SLC5A12: variants seen among roughly 807,000 people sequenced by gnomAD.
The protein encoded by SLC5A12 is solute carrier family 5 member 12, also known as sodium-coupled monocarboxylate transporter 2.
A neutral mutation model predicts 72.7 loss-of-function variants in SLC5A12; 46 were observed. The observed-to-expected ratio is 0.63, with a 90% CI of 0.50 to 0.81. SLC5A12 has a LOEUF of 0.81. Ranked by LOEUF, SLC5A12 falls within the 30% of genes least tolerant of loss-of-function variation. The pLI is 0.00. For missense variants in SLC5A12, 683 were observed against 740.7 expected (o/e 0.92, Z 0.90); for synonymous variants, 275 against 264.4 (o/e 1.04, Z -0.39).
chr11:26,673,164 A>T (rs1052586566), intron 14 of SLC5A12, among the ~76,000 whole-genome samples: 7 of 152,172 alleles, frequency 4.6e-5, no homozygotes, highest in African/African-American at 1.7e-4. Flanking sequence ...AAACAGTTTG[A>T]AAACTGACCA....
chr11:26,669,191 C>CTTTCTT lies in SLC5A12; in HGVS notation c.*1905_*1910dup, dbSNP rs1565179473. 2.3e-5 allele frequency: 1 copy of CTTTCTT among 43,862 alleles called. No homozygotes were observed. Among genetic ancestry groups the CTTTCTT allele is most frequent in the African/African-American group, 5.5e-5 (1 of 18,118 alleles). 2.7% of individuals were successfully genotyped at this position (43,862 alleles called of 1,614,324 possible). On this transcript the variant is annotated 3_prime_UTR_variant, in exon 15 of 15. Transcript: ENST00000396005. ...TTTTTCTTTCTTTCTTTCTTCTTTT[C>CTTTCTT]TTTCTTTCTTTCTTTCTTTCTTTCT...
At position 26,691,393 on chromosome 11, in the gene SLC5A12, C is replaced by A. The variant is rs557721747; in HGVS notation, c.1153+1096G>T. ...TATCAATGAATTTGTATTATTTAACCTGGTAATTTTCTTTTAGAAGTTCGT... is the reference window on the plus strand; with the variant it reads ...TATCAATGAATTTGTATTATTTAACATGGTAATTTTCTTTTAGAAGTTCGT... On this transcript the variant is annotated intron_variant, in intron 9 of 14. Transcript: ENST00000396005. 4.6e-5 allele frequency among the ~76,000 whole-genome samples: 7 copies of A among 151,850 alleles called. No individual in the cohort carries two copies. In the South Asian group the frequency reaches 1.5e-3, roughly 32 times the overall value.
intron 13 of SLC5A12, among the ~76,000 whole-genome samples, chr11:26,674,124 C>T (rs1394747255): frequency 6.6e-6 from 1 of 152,092 alleles, no homozygotes. Flanking sequence ...GAACAAGAGT[C>T]AAATTGATAT....
intron 6 of SLC5A12, 59 bp downstream of exon 6, chr11:26,703,472 T>G: frequency 6.5e-7 from 1 of 1,549,074 alleles, no homozygotes; most frequent in Non-Finnish European, 8.8e-7. Context: ...TATTAATATA[T>G]AATAAGTACC....
Position 26,711,490 on chromosome 11 carries a change from C to T in SLC5A12, c.406-132G>A, listed in dbSNP as rs1855228251. 9.6e-6 allele frequency: 7 copies of T among 728,388 alleles called. No homozygotes were observed. The South Asian group carries it at 1.1e-4, about 11-fold the overall frequency. 45.1% of individuals were successfully genotyped at this position (728,388 alleles called of 1,614,324 possible). On this transcript the variant is annotated intron_variant, in intron 2 of 14. Coordinates refer to ENST00000396005, the MANE Select transcript of SLC5A12 (RefSeq NM_178498.4). ...TCATGAAACATTGCATTCCTGTTGA[C>T]TCTAATTTTGAAGTTGCTCACCACT...
At chr11:26,699,095 A>G (rs16916148) in intron 6 of SLC5A12, among the ~76,000 whole-genome samples, 5,242 of 152,248 alleles carry the variant, frequency 0.034, 290 homozygotes, top group African/African-American at 0.12. Context: ...GGTGCAATTC[A>G]TTTTATTTTA....
Position 26,668,370 on chromosome 11 carries a change from C to T in SLC5A12, c.*2732G>A, listed in dbSNP as rs1854047858. ...TAGGCCCCTCTAAAACTCATCATTC[C>T]TAGTGCCATTTATTGAGAATGTCTC... On this transcript the variant is annotated 3_prime_UTR_variant, in exon 15 of 15. Coordinates refer to ENST00000396005, the MANE Select transcript of SLC5A12 (RefSeq NM_178498.4). The T allele has an allele frequency of 6.6e-6, 1 of 152,004 alleles. No individual in the cohort carries two copies. The highest frequency in any genetic ancestry group is 1.5e-5 in the Non-Finnish European group (1 of 67,982). The allele number at this position is 152,004 out of a possible 1,614,324, so 9.4% of individuals were successfully genotyped here. A position where few individuals can be genotyped will look rare whatever the true frequency, so the allele number is the denominator to read the frequency against.
intron 10 of SLC5A12, among the ~76,000 whole-genome samples, chr11:26,685,966 T>C (rs1222047870): frequency 6.6e-6 from 1 of 152,194 alleles, no homozygotes; most frequent in Admixed American, 6.5e-5. Flanking sequence ...CACTCTTTAA[T>C]TATGTAACTT....
chr11:26,681,364 A>T (rs748279469), intron 11 of SLC5A12, 143 bp from the exon 12 acceptor site: 73 of 592,438 alleles, frequency 1.2e-4, no homozygotes, highest in Non-Finnish European at 1.9e-4. Context: ...CTCTGCTCAA[A>T]CTGCCTTCAC....
intron 9 of SLC5A12, 24 bp from the exon 10 acceptor site, chr11:26,686,568 C>A (rs1854540234): frequency 1.2e-6 from 2 of 1,608,832 alleles, no homozygotes; most frequent in Non-Finnish European, 8.5e-7. Flanking sequence ...AAATTACAAT[C>A]ATAATTTCCT....
intron 4 of SLC5A12, among the ~76,000 whole-genome samples, chr11:26,707,412 T>C (rs1420879055): frequency 2.6e-5 from 4 of 152,060 alleles, no homozygotes; most frequent in Non-Finnish European, 4.4e-5. Context: ...ACCTCCATTC[T>C]ATTTATACTC....
intron 13 of SLC5A12, among the ~76,000 whole-genome samples, chr11:26,674,235 T>C (rs1854212610): frequency 6.6e-6 from 1 of 152,084 alleles, no homozygotes; most frequent in African/African-American, 2.4e-5. Context: ...CATTCAAGGA[T>C]AGTTATTAGT....
In SLC5A12 at chr11:26,683,807, T is replaced by C. The variant is rs1205424837; in HGVS notation, c.1258A>G (p.Met420Val). Residue 420 changes from methionine to valine, a missense_variant, in exon 11 of 15, where the codon ATG becomes GTG. Physicochemically the swap from Met to Val is conservative, Grantham distance 21. Transcript: ENST00000396005. ...ATTCCCAGGGAGAATAAGCCCAGCA[T>C]TGGTCCTCCACACATGCCGTGAATG... ...LSIHGMCGGP[M>V]LGLFSLGIVF... The C allele has an allele frequency of 1.4e-5, 22 of 1,599,104 alleles. No homozygotes were observed. Among genetic ancestry groups the C allele is most frequent in the African/African-American group, 2.7e-5 (2 of 74,752 alleles).
In SLC5A12 at chr11:26,703,394, T is replaced by A. The variant is rs1488529879; in HGVS notation, c.821+137A>T. ...CAAAAAGTTGAAAGAGTTAAGTGAG[T>A]CTCTCTGCCTCTCTCTTACACACAC... is the stretch of plus-strand genomic sequence containing the variant. On this transcript the variant is annotated intron_variant, in intron 6 of 14. Coordinates refer to ENST00000396005, the MANE Select transcript of SLC5A12 (RefSeq NM_178498.4). 3.4e-6 allele frequency: 3 copies of A among 891,158 alleles called. No individual in the cohort carries two copies. In the South Asian group the frequency reaches 6.0e-5, roughly 18 times the overall value. 55.2% of individuals were successfully genotyped at this position (891,158 alleles called of 1,614,324 possible).
chr11:26,710,628 T>C (rs564811800), intron 3 of SLC5A12, among the ~76,000 whole-genome samples: 37 of 152,166 alleles, frequency 2.4e-4, no homozygotes, highest in African/African-American at 8.4e-4. Flanking sequence ...TCCATGCTTT[T>C]TTATTCCTGT....
At chr11:26,695,519 A>G (rs1406621265) in intron 8 of SLC5A12, among the ~76,000 whole-genome samples, 1 of 152,176 alleles carries the variant, frequency 6.6e-6, no homozygotes, top group Admixed American at 6.5e-5. Flanking sequence ...CCTTTTTGAG[A>G]ATGATGTTAA....
intron 10 of SLC5A12, among the ~76,000 whole-genome samples, chr11:26,684,996 T>G (rs937972185): frequency 5.3e-5 from 8 of 152,146 alleles, no homozygotes; most frequent in African/African-American, 1.9e-4. Flanking sequence ...TCAGAGTGCT[T>G]CAAACATTAT....
intron 4 of SLC5A12, among the ~76,000 whole-genome samples, chr11:26,705,820 A>G (rs1855070412): frequency 6.6e-6 from 1 of 151,964 alleles, no homozygotes; most frequent in Non-Finnish European, 1.5e-5. Context: ...ATAAGGCAAG[A>G]GAACAAACCA....
At chr11:26,680,929 C>G in intron 12 of SLC5A12, 126 bp downstream of exon 12, 1 of 875,268 alleles carries the variant, frequency 1.1e-6, no homozygotes, top group Non-Finnish European at 1.6e-6. Flanking sequence ...GTGCTGGGTA[C>G]TTCCCTGAGT....
Sources: gnomAD v4.1 joint callset for allele counts (sites outside exome capture counted in the v4.1 genomes callset) on GRCh38, gnomAD v4.1.1 for gene constraint, MANE v1.5 for transcripts, NCBI Gene and HGNC (gene_info 2026-07-23, HGNC 2026-07-21) for gene names.